The following A1CF variants were observed in gnomAD, a reference collection of about 807,000 sequenced individuals.
The protein encoded by A1CF is APOBEC1 complementation factor.
In A1CF, 48 loss-of-function variants were observed where a neutral mutation model predicts 68.9. That is an observed-to-expected ratio of 0.70 (90% CI 0.55 to 0.89). The LOEUF (loss-of-function observed/expected upper bound fraction) is 0.89, where lower values mean the gene tolerates loss of function less well. A1CF is among the 40% of genes least tolerant of loss of function. The probability of loss-of-function intolerance (pLI) is 0.00; values close to 1 mark genes in which losing one functional copy is unlikely to be tolerated. For synonymous variants in A1CF, 272 were observed against 260.4 expected (o/e 1.04, Z -0.43); for missense variants, 653 against 718.9 (o/e 0.91, Z 1.05).
chr10:50,858,784 G>A (rs984589990), intron 3 of A1CF, among the ~76,000 whole-genome samples: 3 of 151,924 alleles, frequency 2.0e-5, no homozygotes, highest in African/African-American at 7.2e-5. Flanking sequence ...TGAATTTTAA[G>A]TATTAAAAAA....
At chr10:50,841,822 T>G (rs1839792997) in intron 5 of A1CF, 40 bp downstream of exon 5, 1 of 1,605,370 alleles carries the variant, frequency 6.2e-7, no homozygotes, top group African/African-American at 1.3e-5. Flanking sequence ...CACAGGTGCA[T>G]TGTTTGTTTC....
At chr10:50,829,313 C>G (rs999967127) in intron 6 of A1CF, among the ~76,000 whole-genome samples, 1 of 152,092 alleles carries the variant, frequency 6.6e-6, no homozygotes, top group African/African-American at 2.4e-5. Context: ...GAGTGAGAGT[C>G]AACCCAAGTT....
At chr10:50,837,536 A>G (rs1447216343) in intron 5 of A1CF, among the ~76,000 whole-genome samples, 1 of 152,228 alleles carries the variant, frequency 6.6e-6, no homozygotes, top group Admixed American at 6.5e-5. Context: ...CAAATTGGAA[A>G]TGAGCAAAAT....
rs76683833 is a variant in A1CF at position 50,813,273 on chromosome 10, A to C, written c.1323+584T>G. Among the ~76,000 whole-genome samples, 60 of 152,348 alleles carry C rather than the reference A, an allele frequency of 3.9e-4. 5 individuals are homozygous for C. The East Asian group carries it at 0.012, about 29-fold the overall frequency. On this transcript the variant is annotated intron_variant, in intron 10 of 12. Transcript: ENST00000373997. ...TTTCCAATAATAAAAACCACAGGTTAATGTTGAAGTGTGGAAACTTAGAAC... is the reference window on the plus strand; with the variant it reads ...TTTCCAATAATAAAAACCACAGGTTCATGTTGAAGTGTGGAAACTTAGAAC...
chr10:50,875,127 A>C (rs562059965), intron 1 of A1CF, among the ~76,000 whole-genome samples: 28 of 152,344 alleles, frequency 1.8e-4, no homozygotes, highest in South Asian at 1.7e-3. Flanking sequence ...AAATCTAATT[A>C]AAAAGAAAAA....
At chr10:50,830,636 A>C (rs1839191285) in intron 6 of A1CF, among the ~76,000 whole-genome samples, 2 of 152,318 alleles carry the variant, frequency 1.3e-5, no homozygotes, top group South Asian at 4.1e-4. Flanking sequence ...TAAATGGAAA[A>C]ATATCCTATG....
rs1425357250 is a variant in A1CF at position 50,799,851 on chromosome 10, T to C, written c.*6878A>G. The stretch of plus-strand genomic sequence containing the variant: ...ATAACAATATCGGGCTGTATTGCAG[T>C]CAGAAACATAGAAGAAAAGGAGAAT... On this transcript the variant is annotated 3_prime_UTR_variant, in exon 13 of 13. Transcript: ENST00000373997. 6.6e-6 allele frequency: 1 copy of C among 152,062 alleles called. No homozygotes were observed. Among genetic ancestry groups the C allele is most frequent in the African/African-American group, 2.4e-5 (1 of 41,442 alleles). 9.4% of individuals were successfully genotyped at this position (152,062 alleles called of 1,614,324 possible).
intron 5 of A1CF, among the ~76,000 whole-genome samples, chr10:50,836,790 T>G (rs1319720365): frequency 6.7e-6 from 1 of 150,112 alleles, no homozygotes; most frequent in East Asian, 2.0e-4. Context: ...ACATGCAGTG[T>G]TTGGTTTTTT....
rs1321817130 is a variant in A1CF, at chr10:50,885,592, C to T, written c.-105G>A. 2.0e-5 allele frequency: 3 copies of T among 152,192 alleles called. No individual in the cohort carries two copies. The highest frequency in any genetic ancestry group is 4.4e-5 in the Non-Finnish European group (3 of 68,040). The allele number at this position is 152,192 out of a possible 1,614,324, so 9.4% of individuals were successfully genotyped here. On this transcript the variant is annotated 5_prime_UTR_variant, in exon 1 of 13. Coordinates refer to ENST00000373997, the MANE Select transcript of A1CF (RefSeq NM_014576.4). ...CACATGGATCATACCTGAGTAATTT[C>T]AGAGATCCCCACCCGGAAAAGGTTT...
chr10:50,806,879 T>G lies in A1CF; in HGVS notation c.1611A>C (p.Gly537=), dbSNP rs764029516. The G allele has an allele frequency of 6.2e-7, 1 of 1,601,138 alleles. No individual in the cohort carries two copies. The highest frequency in any genetic ancestry group is 1.1e-5 in the South Asian group (1 of 87,828). The change falls in exon 13 of 13, where the codon GGA becomes GGC. Residue 537 remains glycine (G), a splice_region_variant and synonymous_variant. Transcript: ENST00000373997. Reference sequence around the variant, plus strand: ...GTGCAGTTGCATTAGGGACAGCATATCCTGGAGGAAGAGGCAGAGAAAACT... The same window carrying G: ...GTGCAGTTGCATTAGGGACAGCATAGCCTGGAGGAAGAGGCAGAGAAAACT... The part of the protein sequence containing the change: ...TAAAAATAFP[G]YAVPNATAPV...
Position 50,806,538 on chromosome 10 carries a change from A to G in A1CF, c.*191T>C. The G allele has an allele frequency of 2.3e-6, 1 of 442,932 alleles. No individual in the cohort carries two copies. Among genetic ancestry groups the G allele is most frequent in the Non-Finnish European group, 3.6e-6 (1 of 277,920 alleles). The allele number at this position is 442,932 out of a possible 1,614,324, so 27.4% of individuals were successfully genotyped here. ...TCTGTTAAACAAAAGGCTCTTTAAC[A>G]TTTGATTTCATTTCAGAATAACGTT... On this transcript the variant is annotated 3_prime_UTR_variant, in exon 13 of 13. Transcript: ENST00000373997.
chr10:50,851,596 T>G (rs1840242366), intron 3 of A1CF, among the ~76,000 whole-genome samples: 2 of 151,572 alleles, frequency 1.3e-5, no homozygotes, highest in Admixed American at 6.6e-5. Context: ...ATGGTCAACT[T>G]CTACATAGAC....
At chr10:50,811,491 G>T (rs1431360219) in intron 10 of A1CF, among the ~76,000 whole-genome samples, 1 of 152,074 alleles carries the variant, frequency 6.6e-6, no homozygotes, top group Non-Finnish European at 1.5e-5. Flanking sequence ...TGTAAAAATT[G>T]TTGCTCCAAC....
intron 4 of A1CF, among the ~76,000 whole-genome samples, chr10:50,842,263 G>T (rs1441558260): frequency 6.6e-6 from 1 of 152,188 alleles, no homozygotes; most frequent in African/African-American, 2.4e-5. Context: ...TGTGTTTTTG[G>T]TAGGGCAAAT....
rs559780104 is a variant in A1CF at position 50,801,666 on chromosome 10, A to T, written c.*5063T>A. 6.6e-6 allele frequency: 1 copy of T among 152,234 alleles called. No homozygotes were observed. The highest frequency in any genetic ancestry group is 1.5e-5 in the Non-Finnish European group (1 of 68,040). The allele number at this position is 152,234 out of a possible 1,614,324, so 9.4% of individuals were successfully genotyped here. A position where few individuals can be genotyped will look rare whatever the true frequency, so the allele number is the denominator to read the frequency against. Reference sequence around the variant, plus strand: ...TATCTCCTATTCCCTTAGACAAAGTATCATTTGTGGAAAGAGAACAAGCTG... The same window carrying T: ...TATCTCCTATTCCCTTAGACAAAGTTTCATTTGTGGAAAGAGAACAAGCTG... On this transcript the variant is annotated 3_prime_UTR_variant, in exon 13 of 13. Transcript: ENST00000373997.
intron 1 of A1CF, 62 bp downstream of exon 1, chr10:50,885,519 G>A (rs1841965491): frequency 6.6e-6 from 1 of 152,202 alleles, no homozygotes; most frequent in African/African-American, 2.4e-5. Flanking sequence ...CATTCCCACT[G>A]ATACCACAAT....
intron 6 of A1CF, among the ~76,000 whole-genome samples, chr10:50,835,007 T>A (rs1839421371): frequency 6.6e-6 from 1 of 152,134 alleles, no homozygotes; most frequent in African/African-American, 2.4e-5. Flanking sequence ...TCTTAGTGAG[T>A]CTATCTATGG....
At chr10:50,819,147 G>C (rs753725492) in intron 8 of A1CF, among the ~76,000 whole-genome samples, 3 of 151,956 alleles carry the variant, frequency 2.0e-5, no homozygotes, top group Non-Finnish European at 4.4e-5. Context: ...TTCCTTAATG[G>C]TGGGGTCTCA....
intron 3 of A1CF, among the ~76,000 whole-genome samples, 175 bp from the exon 4 acceptor site, chr10:50,844,297 C>G (rs1296085808): frequency 2.0e-5 from 3 of 152,122 alleles, no homozygotes; most frequent in African/African-American, 7.2e-5. Context: ...GATTATAGTA[C>G]CACACTCTGT....
Sources: gnomAD v4.1 joint callset for allele counts (sites outside exome capture counted in the v4.1 genomes callset) on GRCh38, gnomAD v4.1.1 for gene constraint, MANE v1.5 for transcripts, NCBI Gene and HGNC (gene_info 2026-07-23, HGNC 2026-07-21) for gene names.